C10orf90: variants seen among roughly 807,000 people sequenced by gnomAD.
The protein encoded by C10orf90 is (E2-independent) E3 ubiquitin-conjugating enzyme FATS.
Under a neutral mutation model 62.5 loss-of-function variants are expected in C10orf90, and 56 were observed. That is an observed-to-expected ratio of 0.90 (90% confidence interval 0.72 to 1.12). The LOEUF is 1.12. C10orf90 is among the 50% of genes most tolerant of loss of function. C10orf90 has a pLI of 0.00. For synonymous variants in C10orf90, 386 were observed against 340.4 expected (o/e 1.13, Z -1.47); for missense variants, 970 against 880.4 (o/e 1.10, Z -1.29).
chr10:126,602,742 T>C (rs1305098453), intron 2 of C10orf90, among the ~76,000 whole-genome samples: 1 of 149,476 alleles, frequency 6.7e-6, no homozygotes, highest in Non-Finnish European at 1.5e-5. Flanking sequence ...CATAGTGTCA[T>C]TGGCAGGGTT....
chr10:126,649,606 TC>T (rs1178191839), intron 1 of C10orf90, among the ~76,000 whole-genome samples: 4 of 152,154 alleles, frequency 2.6e-5, no homozygotes, highest in Non-Finnish European at 5.9e-5. Context: ...CAAACCAAGG[TC>T]AGGTTTCTGA....
At chr10:126,438,816 A>AGTGTGT (rs1858098157) in intron 7 of C10orf90, among the ~76,000 whole-genome samples, 1 of 151,566 alleles carries the variant, frequency 6.6e-6, no homozygotes, top group South Asian at 2.1e-4. Context: ...ATCTCTTAAA[A>AGTGTGT]GTGTGTGTGT....
intron 2 of C10orf90, among the ~76,000 whole-genome samples, chr10:126,634,269 G>T (rs1333220174): frequency 6.6e-6 from 1 of 152,116 alleles, no homozygotes; most frequent in African/African-American, 2.4e-5. Context: ...GAGGTGTATA[G>T]GCACAAAACA....
At position 126,513,932 on chromosome 10, in the gene C10orf90, C is replaced by T. The variant is rs766217342; in HGVS notation, c.321G>A (p.Arg107=). 1.9e-6 allele frequency: 3 copies of T among 1,610,982 alleles called. No individual in the cohort carries two copies. The highest frequency in any genetic ancestry group is 2.2e-5 in the South Asian group (2 of 90,592). The change falls in exon 3 of 10, where the codon CGG becomes CGA. Residue 107 remains arginine, a synonymous_variant. Transcript: ENST00000488181. ...GATCTCTTCTACTGTGGTAGCTGTC[C>T]CGTAATCCTAGGCAAAAGAAGATAA... ...RNESLSNAGL[R]DSYHSRRDQI...
At chr10:126,531,490 G>A (rs1864095843) in intron 2 of C10orf90, among the ~76,000 whole-genome samples, 1 of 152,140 alleles carries the variant, frequency 6.6e-6, no homozygotes, top group Non-Finnish European at 1.5e-5. Flanking sequence ...CAAAAGATCA[G>A]AAATAAAATC....
chr10:126,562,062 G>A (rs996051011), intron 2 of C10orf90, among the ~76,000 whole-genome samples: 12 of 152,184 alleles, frequency 7.9e-5, no homozygotes, highest in African/African-American at 1.9e-4. Flanking sequence ...TGCTGACAGC[G>A]TTCTCTCCCC....
chr10:126,526,306 G>A (rs1110027), intron 2 of C10orf90, among the ~76,000 whole-genome samples: 91,417 of 150,230 alleles, frequency 0.61, 29,013 homozygotes, highest in Middle Eastern at 0.76. Flanking sequence ...GTGCAGTGGT[G>A]CAATCTCGGC....
At chr10:126,426,832 T>C (rs1857294971) in intron 8 of C10orf90, among the ~76,000 whole-genome samples, 1 of 152,188 alleles carries the variant, frequency 6.6e-6, no homozygotes, top group African/African-American at 2.4e-5. Flanking sequence ...GTGAAGATGT[T>C]CCACCATTAA....
chr10:126,531,439 C>A (rs1396154181), intron 2 of C10orf90, among the ~76,000 whole-genome samples: 1 of 152,132 alleles, frequency 6.6e-6, no homozygotes, highest in African/African-American at 2.4e-5. Flanking sequence ...GTCAACAGTT[C>A]TGAGGATGAG....
At position 126,525,504 on chromosome 10, in the gene C10orf90, C is replaced by G. The variant is rs537855754; in HGVS notation, c.314-11565G>C. Reference sequence around the variant, plus strand: ...GAATGTCTAGAGCCCAGAGCCGGAGCCTGCAGAGATGATTACAGGCTCCGC... The same window carrying G: ...GAATGTCTAGAGCCCAGAGCCGGAGGCTGCAGAGATGATTACAGGCTCCGC... On this transcript the variant is annotated intron_variant, in intron 2 of 9. Transcript: ENST00000488181. Among the ~76,000 whole-genome samples, 90 of 152,284 alleles carry G rather than the reference C, an allele frequency of 5.9e-4. 1 individual carries two copies. Among genetic ancestry groups the G allele is most frequent in the East Asian group, 1.9e-4 (1 of 5,180 alleles).
intron 2 of C10orf90, among the ~76,000 whole-genome samples, chr10:126,579,430 G>A (rs1330610481): frequency 6.6e-6 from 1 of 151,886 alleles, no homozygotes; most frequent in African/African-American, 2.4e-5. Flanking sequence ...TAGTAGAGAT[G>A]GGGTTTCATC....
intron 2 of C10orf90, among the ~76,000 whole-genome samples, chr10:126,533,639 T>C (rs1864161746): frequency 6.6e-6 from 1 of 152,160 alleles, no homozygotes; most frequent in South Asian, 2.1e-4. Context: ...TGCCTAATTC[T>C]GGACATGGGG....
rs1047882529 is a variant in C10orf90 at position 126,474,171 on chromosome 10, T to C, written c.1535-9185A>G. Among the ~76,000 whole-genome samples, 10 of 152,310 alleles carry C rather than the reference T, an allele frequency of 6.6e-5. No individual in the cohort carries two copies. In the South Asian group the frequency reaches 8.3e-4, roughly 13 times the overall value. On this transcript the variant is annotated intron_variant, in intron 4 of 9. Transcript: ENST00000488181. ...ATGTCCACATCTGAGGAGCAGGACC[T>C]GTTACATGGCCTGTGCAAGCCCGGG...
At chr10:126,661,474 C>T (rs1846510170) in intron 1 of C10orf90, among the ~76,000 whole-genome samples, 1 of 152,198 alleles carries the variant, frequency 6.6e-6, no homozygotes, top group Non-Finnish European at 1.5e-5. Context: ...ACCCAGTGCT[C>T]TTTCTCTTAA....
chr10:126,457,608 T>A (rs921970946), intron 7 of C10orf90, among the ~76,000 whole-genome samples: 2 of 152,222 alleles, frequency 1.3e-5, no homozygotes, highest in African/African-American at 2.4e-5. Context: ...CATCATTCTA[T>A]AATTGCCTAC....
In C10orf90 at chr10:126,489,730, C is replaced by T. The variant is rs190664800; in HGVS notation, c.1534+14227G>A. On this transcript the variant is annotated intron_variant, in intron 4 of 9. Coordinates refer to ENST00000488181, the MANE Select transcript of C10orf90 (RefSeq NM_001350921.2). ...CAGTAATTCCACATTGGGGCATATA[C>T]CCCAAAGAATTGAAAGCAGAGACTT... 3.1e-3 allele frequency among the ~76,000 whole-genome samples: 462 copies of T among 151,312 alleles called. 3 individuals are homozygous for T. Among genetic ancestry groups the T allele is most frequent in the African/African-American group, 0.011 (434 of 41,214 alleles).
chr10:126,606,492 C>G (rs115230689), intron 2 of C10orf90, among the ~76,000 whole-genome samples: 1 of 152,076 alleles, frequency 6.6e-6, no homozygotes. Context: ...TGCCATTTCT[C>G]GAAGTTATCC....
intron 2 of C10orf90, among the ~76,000 whole-genome samples, chr10:126,539,473 G>T (rs2366854): frequency 0.48 from 72,309 of 151,956 alleles, 17,553 homozygotes; most frequent in Admixed American, 0.57. Flanking sequence ...CTACTGCCAT[G>T]TACCATGCTA....
chr10:126,639,544 T>C (rs1846018893), intron 2 of C10orf90, among the ~76,000 whole-genome samples: 1 of 152,122 alleles, frequency 6.6e-6, no homozygotes, highest in Non-Finnish European at 1.5e-5. Context: ...GTCTCCTCAT[T>C]CCACTCTTCT....
Sources: gnomAD v4.1 joint callset for allele counts (sites outside exome capture counted in the v4.1 genomes callset) on GRCh38, gnomAD v4.1.1 for gene constraint, MANE v1.5 for transcripts, NCBI Gene and HGNC (gene_info 2026-07-23, HGNC 2026-07-21) for gene names.